The following PKP4 variants were observed in gnomAD, a reference collection of about 807,000 sequenced individuals.
PKP4 encodes plakophilin-4.
A neutral mutation model predicts 145.1 loss-of-function variants in PKP4; 90 were observed. The observed-to-expected ratio is 0.62, with a 90% CI of 0.52 to 0.74. The LOEUF (loss-of-function observed/expected upper bound fraction) is 0.74. Among genes scored for constraint, PKP4 ranks in the 30% least tolerant of loss-of-function variants. The pLI is 0.00. For synonymous variants in PKP4, 563 were observed against 577.2 expected (o/e 0.98, Z 0.35); for missense variants, 1,340 against 1,482.7 (o/e 0.90, Z 1.58).
chr2:158,619,022 T>C (rs1304015596), intron 4 of PKP4, among the ~76,000 whole-genome samples: 3 of 152,218 alleles, frequency 2.0e-5, no homozygotes, highest in Non-Finnish European at 4.4e-5. Flanking sequence ...TGTAGTTTCT[T>C]GCTAGTTCGT....
intron 4 of PKP4, among the ~76,000 whole-genome samples, chr2:158,616,807 C>T (rs1409583421): frequency 6.6e-6 from 1 of 152,172 alleles, no homozygotes; most frequent in Non-Finnish European, 1.5e-5. Context: ...GGTGATTTTA[C>T]ACACACTACA....
At chr2:158,671,106 G>T (rs1481045865) in intron 17 of PKP4, among the ~76,000 whole-genome samples, 1 of 151,924 alleles carries the variant, frequency 6.6e-6, no homozygotes, top group Non-Finnish European at 1.5e-5. Context: ...TTTTTATTTC[G>T]GTTCACTGCT....
chr2:158,680,737 A>T lies in PKP4; in HGVS notation c.*60A>T, dbSNP rs1232543807. ...TAACCTTGTTCAGATTGAGGTGAAA[A>T]GTCCATCTTGCTGATTTGATGATTG... On this transcript the variant is annotated 3_prime_UTR_variant, in exon 22 of 22. Coordinates refer to ENST00000389759, the MANE Select transcript of PKP4 (RefSeq NM_003628.6). 7.1e-7 allele frequency: 1 copy of T among 1,409,236 alleles called. No homozygotes were observed. Among genetic ancestry groups the T allele is most frequent in the Non-Finnish European group, 9.6e-7 (1 of 1,037,742 alleles). The allele number at this position is 1,409,236 out of a possible 1,614,324, so 87.3% of individuals were successfully genotyped here. A position where few individuals can be genotyped will look rare whatever the true frequency, so the allele number is the denominator to read the frequency against.
intron 19 of PKP4, among the ~76,000 whole-genome samples, chr2:158,676,143 G>A (rs2057988779): frequency 6.6e-6 from 1 of 152,230 alleles, no homozygotes; most frequent in Admixed American, 6.5e-5. Context: ...AATGAGCCAG[G>A]CTTACTGGGT....
In PKP4 at chr2:158,663,402, G is replaced by C. The variant is rs899307975; in HGVS notation, c.2534G>C (p.Gly845Ala). 31 of 1,613,998 alleles carry C rather than the reference G, an allele frequency of 1.9e-5. No homozygotes were observed. Among genetic ancestry groups the C allele is most frequent in the Non-Finnish European group, 2.4e-5 (28 of 1,180,006 alleles). Residue 845 changes from glycine (G) to alanine (A), a missense_variant, in exon 15 of 22, where the codon GGC becomes GCC. Transcript: ENST00000389759. ...AESSNPATLE[G>A]SAGSLQNLSA... ...AGTTCCAACCCAGCCACCTTGGAAG[G>C]CTCTGCAGGGTCTCTCCAGAACCTC...
chr2:158,581,869 A>T (rs143050031), intron 3 of PKP4, among the ~76,000 whole-genome samples: 23 of 152,292 alleles, frequency 1.5e-4, no homozygotes, highest in African/African-American at 5.3e-4. Context: ...TCTATTAATG[A>T]CTCTTTAGAA....
At chr2:158,603,701 T>G (rs932809286) in intron 4 of PKP4, among the ~76,000 whole-genome samples, 6 of 152,190 alleles carry the variant, frequency 3.9e-5, no homozygotes, top group African/African-American at 1.4e-4. Flanking sequence ...ATTCACATAA[T>G]GTACCGGGTG....
At chr2:158,501,411 T>G (rs778305321) in intron 1 of PKP4, among the ~76,000 whole-genome samples, 21 of 152,250 alleles carry the variant, frequency 1.4e-4, no homozygotes, top group Non-Finnish European at 2.9e-4. Context: ...TGTCTGTTTC[T>G]CAGCATTCCA....
chr2:158,528,903 T>G (rs2043241382), intron 1 of PKP4, among the ~76,000 whole-genome samples: 1 of 152,150 alleles, frequency 6.6e-6, no homozygotes, highest in Non-Finnish European at 1.5e-5. Flanking sequence ...ACAGAGACAG[T>G]GTTATACAGT....
At chr2:158,477,182 G>C (rs923930152) in intron 1 of PKP4, among the ~76,000 whole-genome samples, 2 of 152,156 alleles carry the variant, frequency 1.3e-5, no homozygotes, top group East Asian at 3.9e-4. Flanking sequence ...TTGTAGAATC[G>C]CAAGCTTTTA....
At chr2:158,580,624 G>T (rs931997125) in intron 3 of PKP4, among the ~76,000 whole-genome samples, 10 of 152,144 alleles carry the variant, frequency 6.6e-5, no homozygotes, top group African/African-American at 2.4e-4. Flanking sequence ...CCTTTTTTGA[G>T]AGTGCAGTGT....
intron 2 of PKP4, among the ~76,000 whole-genome samples, chr2:158,553,641 T>G (rs968809933): frequency 6.6e-6 from 1 of 152,220 alleles, no homozygotes; most frequent in Non-Finnish European, 1.5e-5. Flanking sequence ...AGTCTCAGAC[T>G]TTAAACCTTG....
At chr2:158,548,910 TCCC>T in intron 2 of PKP4, 1 of 182,336 alleles carries the variant, frequency 5.5e-6, no homozygotes, top group East Asian at 1.8e-4. Flanking sequence ...ATGACATGGA[TCCC>T]ATTGAGCCAG....
chr2:158,474,960 T>C (rs986040424), intron 1 of PKP4, among the ~76,000 whole-genome samples: 14 of 152,304 alleles, frequency 9.2e-5, no homozygotes, highest in African/African-American at 2.6e-4. Context: ...CTCAGTTCTT[T>C]TTACTAGTGT....
intron 1 of PKP4, among the ~76,000 whole-genome samples, chr2:158,496,810 C>CTCTCTG (rs1219959269): frequency 7.2e-6 from 1 of 139,526 alleles, no homozygotes; most frequent in Non-Finnish European, 1.6e-5. Context: ...GTGTCTCACT[C>CTCTCTG]TCTCTGTCTC....
At chr2:158,636,238 G>T (rs2053798112) in intron 9 of PKP4, among the ~76,000 whole-genome samples, 1 of 151,094 alleles carries the variant, frequency 6.6e-6, no homozygotes, top group Non-Finnish European at 1.5e-5. Flanking sequence ...CTCAGCTTTA[G>T]TTTATCTGAA....
At chr2:158,575,601 A>C (rs971262934) in intron 2 of PKP4, among the ~76,000 whole-genome samples, 1 of 152,254 alleles carries the variant, frequency 6.6e-6, no homozygotes, top group South Asian at 2.1e-4. Context: ...CAAAATGAGG[A>C]CAGTACTCCA....
chr2:158,676,649 C>G, intron 19 of PKP4, 90 bp from the exon 20 acceptor site: 1 of 1,456,860 alleles, frequency 6.9e-7, no homozygotes, highest in South Asian at 1.1e-5. Flanking sequence ...AGTTACTGAG[C>G]TTTGTGTTTC....
Sources: gnomAD v4.1 joint callset for allele counts (sites outside exome capture counted in the v4.1 genomes callset) on GRCh38, gnomAD v4.1.1 for gene constraint, MANE v1.5 for transcripts, NCBI Gene and HGNC (gene_info 2026-07-23, HGNC 2026-07-21) for gene names.